The following ASAP2 variants were observed in gnomAD, a reference collection of about 807,000 sequenced individuals.
ASAP2 encodes arf-GAP with SH3 domain, ANK repeat and PH domain-containing protein 2.
Under a neutral mutation model 131.4 loss-of-function variants are expected in ASAP2, and 45 were observed. The ratio of observed to expected loss-of-function variants is 0.34; its 90% CI spans 0.27 to 0.44. The LOEUF (loss-of-function observed/expected upper bound fraction) is 0.44, where lower values mean the gene tolerates loss of function less well. ASAP2 is among the 20% of genes least tolerant of loss of function. The pLI, the probability that ASAP2 is intolerant of heterozygous loss-of-function variation, is 1.00. For missense variants in ASAP2, 1,011 were observed against 1,297.0 expected (o/e 0.78, Z 3.39); for synonymous variants, 510 against 503.0 (o/e 1.01, Z -0.19).
chr2:9,306,530 G>A (rs1668956921), intron 3 of ASAP2, among the ~76,000 whole-genome samples: 1 of 151,846 alleles, frequency 6.6e-6, no homozygotes, highest in Admixed American at 6.6e-5. Flanking sequence ...TTCCTAGGGT[G>A]AGAGGGGCTT....
intron 15 of ASAP2, among the ~76,000 whole-genome samples, chr2:9,361,660 T>G (rs1673088927): frequency 6.6e-6 from 1 of 152,028 alleles, no homozygotes; most frequent in Admixed American, 6.6e-5. Context: ...CTCTGCCTCC[T>G]GGGTTCAAGC....
chr2:9,325,940 CAGG>C (rs1254851854), intron 6 of ASAP2, among the ~76,000 whole-genome samples: 2 of 152,208 alleles, frequency 1.3e-5, no homozygotes, highest in Non-Finnish European at 2.9e-5. Flanking sequence ...ACAGTTTTCA[CAGG>C]AGAAGACATC....
At chr2:9,255,214 A>G (rs1041446157) in intron 1 of ASAP2, among the ~76,000 whole-genome samples, 1 of 152,224 alleles carries the variant, frequency 6.6e-6, no homozygotes, top group Non-Finnish European at 1.5e-5. Context: ...TTATGTGTCT[A>G]TACTTGTACC....
At chr2:9,274,091 T>A (rs1335176670) in intron 1 of ASAP2, among the ~76,000 whole-genome samples, 1 of 152,186 alleles carries the variant, frequency 6.6e-6, no homozygotes, top group Non-Finnish European at 1.5e-5. Context: ...GTAATAATTA[T>A]CTCAGTTATA....
intron 1 of ASAP2, among the ~76,000 whole-genome samples, chr2:9,264,994 G>T (rs1467557717): frequency 1.3e-5 from 2 of 152,038 alleles, no homozygotes; most frequent in African/African-American, 4.8e-5. Context: ...AAATTAGCCG[G>T]GTGTGGTGGC....
rs572231133 is a variant in ASAP2, at chr2:9,280,733, T to TA, written c.199+1345dup. Among the ~76,000 whole-genome samples, 313 of 152,342 alleles carry TA rather than the reference T, an allele frequency of 2.1e-3. 3 individuals are homozygous for TA. Among genetic ancestry groups the TA allele is most frequent in the Admixed American group, 0.016 (249 of 15,294 alleles). On this transcript the variant is annotated intron_variant, in intron 2 of 27. Coordinates refer to ENST00000281419, the MANE Select transcript of ASAP2 (RefSeq NM_003887.3). ...ATTGACAGGCCTTTTCTAAAACTGA[T>TA]ACAGAAGGTGGCCATCCGTCTCTAG...
At chr2:9,216,554 A>G (rs1367649591) in intron 1 of ASAP2, among the ~76,000 whole-genome samples, 1 of 137,254 alleles carries the variant, frequency 7.3e-6, no homozygotes, top group Non-Finnish European at 1.5e-5. Context: ...TCTGCCTCCC[A>G]GGTTCAAGTG....
At position 9,232,308 on chromosome 2, in the gene ASAP2, T is replaced by C. The variant is rs1663225979; in HGVS notation, c.126+25078T>C. Among the ~76,000 whole-genome samples the C allele has an allele frequency of 6.6e-6, 1 of 152,168 alleles. No individual in the cohort carries two copies. The highest frequency in any genetic ancestry group is 2.4e-5 in the African/African-American group (1 of 41,456). ...GGTCCCTCTGTTTGTAGAGTCGCCC[T>C]GCTCTTCGTATCTCCCTGCCTGTTC... On this transcript the variant is annotated intron_variant, in intron 1 of 27. Coordinates refer to ENST00000281419, the MANE Select transcript of ASAP2 (RefSeq NM_003887.3). The surrounding 1 kb of genome is among the most constrained non-coding windows in gnomAD (Gnocchi z 4.1).
At chr2:9,355,284 C>T (rs938629629) in intron 12 of ASAP2, among the ~76,000 whole-genome samples, 10 of 152,186 alleles carry the variant, frequency 6.6e-5, no homozygotes, top group African/African-American at 9.7e-5. Flanking sequence ...CAGTCTGTAT[C>T]GGTTCTGTAG....
Position 9,319,208 on chromosome 2 carries a change from G to A in ASAP2, c.420+610G>A, listed in dbSNP as rs992240612. On this transcript the variant is annotated intron_variant, in intron 4 of 27. Coordinates refer to ENST00000281419, the MANE Select transcript of ASAP2 (RefSeq NM_003887.3). ...TAGAGGCGCGTTTGCCAGGCAGCGC[G>A]CTGCCCCTGCGCATCGCCAGCCCTG... Among the ~76,000 whole-genome samples, 9 of 152,318 alleles carry A rather than the reference G, an allele frequency of 5.9e-5. No homozygotes were observed. The East Asian group carries it at 1.5e-3, about 26-fold the overall frequency.
At chr2:9,384,522 A>G (rs2148760320) in intron 20 of ASAP2, among the ~76,000 whole-genome samples, 1 of 152,356 alleles carries the variant, frequency 6.6e-6, no homozygotes, top group South Asian at 2.1e-4. Context: ...ATCAACCTCC[A>G]GAACTTCTGA....
At chr2:9,239,318 A>G (rs1368679631) in intron 1 of ASAP2, among the ~76,000 whole-genome samples, 1 of 152,256 alleles carries the variant, frequency 6.6e-6, no homozygotes, top group Non-Finnish European at 1.5e-5. Context: ...TCTGCACTTC[A>G]TAAGGATATA....
chr2:9,309,154 C>G (rs1408470008), intron 3 of ASAP2, among the ~76,000 whole-genome samples: 1 of 152,202 alleles, frequency 6.6e-6, no homozygotes, highest in Non-Finnish European at 1.5e-5. Flanking sequence ...GAAAGAGTCT[C>G]CATCCCACAA....
chr2:9,314,794 G>A (rs1669530237), intron 3 of ASAP2, among the ~76,000 whole-genome samples: 1 of 152,050 alleles, frequency 6.6e-6, no homozygotes, highest in Non-Finnish European at 1.5e-5. Flanking sequence ...AGCCAGGCAT[G>A]GTTGTGGGTG....
intron 1 of ASAP2, among the ~76,000 whole-genome samples, chr2:9,275,231 G>A (rs758846517): frequency 2.0e-5 from 3 of 151,946 alleles, no homozygotes; most frequent in East Asian, 1.9e-4. Context: ...TCCCATGCCC[G>A]GCTAACTTAT....
chr2:9,288,292 G>T (rs1476019009), intron 2 of ASAP2, among the ~76,000 whole-genome samples: 2 of 152,190 alleles, frequency 1.3e-5, no homozygotes, highest in Non-Finnish European at 1.5e-5. Context: ...CTGCAGAGTT[G>T]TAAGGATGAA....
intron 1 of ASAP2, among the ~76,000 whole-genome samples, chr2:9,266,139 CTTTT>C (rs1327933882): frequency 8.4e-6 from 1 of 118,988 alleles, no homozygotes; most frequent in East Asian, 2.0e-4. Context: ...AAACGATTGC[CTTTT>C]TATCTTTTTT....
chr2:9,323,162 A>T lies in ASAP2; in HGVS notation c.512A>T (p.His171Leu). Residue 171 changes from histidine (H) to leucine (L), a missense_variant, in exon 6 of 28, where the codon CAT becomes CTT. Around this residue, in one of 2 missense-constraint regions of ASAP2, gnomAD observed 359 missense variants for 598.1 expected, o/e 0.60. Coordinates refer to ENST00000281419, the MANE Select transcript of ASAP2 (RefSeq NM_003887.3). ...EKEKKEHAKL[H>L]GMIRTEISGA... Reference sequence around the variant, plus strand: ...GAGAAAAAGGAACACGCCAAGCTCCATGGGATGATTCGGACTGAAATAAGC... The same window carrying T: ...GAGAAAAAGGAACACGCCAAGCTCCTTGGGATGATTCGGACTGAAATAAGC... 1 of 1,614,248 alleles carries T rather than the reference A, an allele frequency of 6.2e-7. No homozygotes were observed. The highest frequency in any genetic ancestry group is 8.5e-7 in the Non-Finnish European group (1 of 1,180,040).
rs556217590 is a variant in ASAP2 at position 9,262,643 on chromosome 2, C to A, written c.127-16674C>A. On this transcript the variant is annotated intron_variant, in intron 1 of 27. Transcript: ENST00000281419. ...AAAGGGATCCAGCACTGGGTTTTCT[C>A]ATTTTTAATGCATCCATTCCTTAAA... Among the ~76,000 whole-genome samples the A allele has an allele frequency of 2.6e-5, 4 of 152,340 alleles. No individual in the cohort carries two copies. The South Asian group carries it at 8.3e-4, about 32-fold the overall frequency.
Sources: gnomAD v4.1 joint callset for allele counts (sites outside exome capture counted in the v4.1 genomes callset) on GRCh38, gnomAD v4.1.1 for gene constraint, gnomAD v4.1.1 regional missense constraint, Gnocchi (gnomAD v3.1) non-coding constraint, MANE v1.5 for transcripts, NCBI Gene and HGNC (gene_info 2026-07-23, HGNC 2026-07-21) for gene names.